OPRM1: variants seen among roughly 807,000 people sequenced by gnomAD.
OPRM1 encodes mu-type opioid receptor.
In OPRM1, 27 loss-of-function variants were observed where a neutral mutation model predicts 31.8. That is an observed-to-expected ratio of 0.85 (90% confidence interval 0.63 to 1.17). The LOEUF is 1.17. Among genes scored for constraint, OPRM1 ranks in the 50% most tolerant of loss-of-function variants. The pLI, the probability that OPRM1 is intolerant of heterozygous loss-of-function variation, is 0.00. For missense variants in OPRM1, 536 were observed against 511.1 expected, an observed-to-expected ratio of 1.05 and a Z score of -0.47; for synonymous variants, 196 against 189.9, an observed-to-expected ratio of 1.03 and a Z score of -0.26.
downstream of OPRM1, among the ~76,000 whole-genome samples, chr6:154,135,319 A>C (rs1798028389): frequency 6.6e-6 from 1 of 152,094 alleles, no homozygotes; most frequent in African/African-American, 2.4e-5. Context: ...AAATACAAAA[A>C]TTAGCCAGGC....
intron 3 of OPRM1, among the ~76,000 whole-genome samples, chr6:154,147,695 C>A (rs1360655891): frequency 6.6e-6 from 1 of 152,190 alleles, no homozygotes; most frequent in African/African-American, 2.4e-5. Flanking sequence ...CCTTTCAGTG[C>A]CACTGATCTC....
At chr6:154,099,292 G>A (rs1281648646) in intron 3 of OPRM1, among the ~76,000 whole-genome samples, 1 of 75,754 alleles carries the variant, frequency 1.3e-5, no homozygotes, top group African/African-American at 5.1e-5. Context: ...CGAAAGGAAG[G>A]AAGGAAGGAA....
chr6:154,137,163 A>G (rs978116454), downstream of OPRM1, among the ~76,000 whole-genome samples: 3 of 152,200 alleles, frequency 2.0e-5, no homozygotes, highest in Non-Finnish European at 4.4e-5. Context: ...TTTAACCTCC[A>G]CATTACACTA....
chr6:154,099,280 G>A (rs572267105), intron 3 of OPRM1, among the ~76,000 whole-genome samples: 1 of 138,192 alleles, frequency 7.2e-6, no homozygotes, highest in South Asian at 2.5e-4. Context: ...ATGAGAGTCT[G>A]TCGAAAGGAA....
intron 1 of OPRM1, among the ~76,000 whole-genome samples, chr6:154,068,834 G>A (rs1257374067): frequency 3.3e-5 from 5 of 152,092 alleles, no homozygotes; most frequent in Admixed American, 2.6e-4. Flanking sequence ...AACATTGTGT[G>A]AGGATTTCCA....
At chr6:154,227,840 A>G (rs894673629) in intron 3 of OPRM1, among the ~76,000 whole-genome samples, 2 of 152,204 alleles carry the variant, frequency 1.3e-5, no homozygotes, top group African/African-American at 4.8e-5. Context: ...AGGAGCCTAA[A>G]TAAGTTTGGG....
At chr6:154,143,101 C>T (rs930869211) in intron 3 of OPRM1, among the ~76,000 whole-genome samples, 13 of 152,130 alleles carry the variant, frequency 8.5e-5, no homozygotes, top group African/African-American at 2.4e-4. Context: ...AAAAAAAGGT[C>T]ACTAACATAG....
At chr6:154,102,918 C>CA (rs58694186) in intron 3 of OPRM1, among the ~76,000 whole-genome samples, 7,894 of 80,352 alleles carry the variant, frequency 0.098, 351 homozygotes, top group East Asian at 0.18. Flanking sequence ...TAACCAGTTG[C>CA]AAAAAAAAAA....
chr6:154,091,476 C>T lies in OPRM1; in HGVS notation c.1164+4C>T, dbSNP rs79668187. 524 of 1,606,890 alleles carry T rather than the reference C, an allele frequency of 3.3e-4. 3 individuals are homozygous for T. In the East Asian group the frequency reaches 4.6e-3, roughly 14 times the overall value. The stretch of plus-strand genomic sequence containing the variant: ...AGTGGATAGAACTAATCATCAGGTA[C>T]GCAGTCTCTAGAATTAGGTATATCT... On this transcript the variant is annotated splice_donor_region_variant and intron_variant, in intron 3 of 3. Transcript: ENST00000330432.
chr6:154,195,229 T>C (rs372871802), intron 3 of OPRM1, among the ~76,000 whole-genome samples: 1 of 145,314 alleles, frequency 6.9e-6, no homozygotes, highest in African/African-American at 2.6e-5. Flanking sequence ...CTCACTGCAA[T>C]CTCCGCCTCC....
chr6:154,108,010 G>T lies in OPRM1; in HGVS notation c.1165-10673G>T, dbSNP rs1371805323. ...TTTATTGCCATTCATTCAACCGTTT[G>T]CACAGAGAGAAAGAAGACAGAAATC... On this transcript the variant is annotated intron_variant, in intron 3 of 3. Coordinates refer to ENST00000330432, the MANE Select transcript of OPRM1 (RefSeq NM_000914.5). The T allele has an allele frequency of 1.2e-5, 8 of 652,374 alleles. No individual in the cohort carries two copies. The African/African-American group carries it at 1.5e-4, about 12-fold the overall frequency. 40.4% of individuals were successfully genotyped at this position (652,374 alleles called of 1,614,324 possible).
chr6:154,243,118 C>A (rs901542116), intron 3 of OPRM1, among the ~76,000 whole-genome samples: 1 of 152,114 alleles, frequency 6.6e-6, no homozygotes, highest in East Asian at 1.9e-4. Context: ...AGCCAGCCCA[C>A]GTGCTAACAG....
In OPRM1 at chr6:154,109,045, G is replaced by T. The variant is rs920785663; in HGVS notation, c.1165-9638G>T. 1.0e-5 allele frequency: 10 copies of T among 984,878 alleles called. No homozygotes were observed. The South Asian group carries it at 1.4e-4, about 14-fold the overall frequency. The allele number at this position is 984,878 out of a possible 1,614,324, so 61.0% of individuals were successfully genotyped here. Reference sequence around the variant, plus strand: ...GTTGGAATTATAGGTCACATCAAGAGAATTCTAGTGTCTAGAACCAAAGAA... The same window carrying T: ...GTTGGAATTATAGGTCACATCAAGATAATTCTAGTGTCTAGAACCAAAGAA... On this transcript the variant is annotated intron_variant, in intron 3 of 3. Coordinates refer to ENST00000330432, the MANE Select transcript of OPRM1 (RefSeq NM_000914.5).
rs74625180 is a variant in OPRM1, at chr6:154,131,276, G to C, written c.*12555G>C. ...TTGTAAAGAATCTGAGTAAATGAGA[G>C]CCTCTCATGGTTGATTAAGTTCAGA... On this transcript the variant is annotated 3_prime_UTR_variant, in exon 4 of 4. Coordinates refer to ENST00000330432, the MANE Select transcript of OPRM1 (RefSeq NM_000914.5). 6.6e-6 allele frequency among the ~76,000 whole-genome samples: 1 copy of C among 152,164 alleles called. No individual in the cohort carries two copies. Among genetic ancestry groups the C allele is most frequent in the African/African-American group, 2.4e-5 (1 of 41,430 alleles).
intron 3 of OPRM1, among the ~76,000 whole-genome samples, chr6:154,187,520 C>T (rs555267297): frequency 1.3e-5 from 2 of 152,326 alleles, no homozygotes; most frequent in East Asian, 3.9e-4. Context: ...ATAGTATTTA[C>T]ATGCTCCTGT....
At chr6:154,223,041 T>C (rs1413590386) in intron 3 of OPRM1, 2 of 764,776 alleles carry the variant, frequency 2.6e-6, no homozygotes, top group Non-Finnish European at 4.5e-6. Context: ...TGCCAACCCA[T>C]AATGCTTCAA....
At chr6:154,055,514 T>G (rs1368418539) in intron 1 of OPRM1, among the ~76,000 whole-genome samples, 1 of 152,208 alleles carries the variant, frequency 6.6e-6, no homozygotes, top group Non-Finnish European at 1.5e-5. Flanking sequence ...CTCAGGGCTT[T>G]TGCCTTTCCC....
intron 1 of OPRM1, among the ~76,000 whole-genome samples, chr6:154,015,683 G>A (rs1045431028): frequency 6.6e-6 from 1 of 151,684 alleles, no homozygotes. Context: ...GATATTTTTG[G>A]TATGGCAAAA....
At chr6:154,106,493 G>C (rs1795593843) in intron 3 of OPRM1, among the ~76,000 whole-genome samples, 1 of 152,166 alleles carries the variant, frequency 6.6e-6, no homozygotes, top group South Asian at 2.1e-4. Flanking sequence ...AAGAGTCATA[G>C]TGGCATTTTA....
Sources: gnomAD v4.1 joint callset for allele counts (sites outside exome capture counted in the v4.1 genomes callset) on GRCh38, gnomAD v4.1.1 for gene constraint, MANE v1.5 for transcripts, NCBI Gene and HGNC (gene_info 2026-07-23, HGNC 2026-07-21) for gene names.